The following ULK4 variants were observed in gnomAD, a reference collection of about 807,000 sequenced individuals.
ULK4 encodes the protein inactive serine/threonine-protein kinase ULK4.
A neutral mutation model predicts 160.6 loss-of-function variants in ULK4; 133 were observed. The observed-to-expected ratio is 0.83, with a 90% CI of 0.72 to 0.96. The LOEUF is 0.96. Among genes scored for constraint, ULK4 ranks in the 40% least tolerant of loss-of-function variants. The pLI, the probability that ULK4 is intolerant of heterozygous loss-of-function variation, is 0.00. For synonymous variants in ULK4, 534 were observed against 539.8 expected (o/e 0.99, Z 0.15); for missense variants, 1,580 against 1,499.5 (o/e 1.05, Z -0.89).
intron 29 of ULK4, among the ~76,000 whole-genome samples, chr3:41,676,358 G>C (rs1478643838): frequency 6.6e-6 from 1 of 152,170 alleles, no homozygotes; most frequent in African/African-American, 2.4e-5. Flanking sequence ...AGCTCAGAAA[G>C]ATGTAAATGG....
rs535743767 is a variant in ULK4 at position 41,524,795 on chromosome 3, G to A, written c.3226+41230C>T. 5.9e-5 allele frequency among the ~76,000 whole-genome samples: 9 copies of A among 152,080 alleles called. No homozygotes were observed. The East Asian group carries it at 1.6e-3, about 26-fold the overall frequency. Reference sequence around the variant, plus strand: ...TCTATAAAATACAAAAAAATTAGCCGGGTGTGGTGACACGTGCCTGTAGTC... The same window carrying A: ...TCTATAAAATACAAAAAAATTAGCCAGGTGTGGTGACACGTGCCTGTAGTC... On this transcript the variant is annotated intron_variant, in intron 32 of 36. Coordinates refer to ENST00000301831, the MANE Select transcript of ULK4 (RefSeq NM_017886.4).
intron 31 of ULK4, among the ~76,000 whole-genome samples, chr3:41,578,068 C>A (rs866046952): frequency 9.9e-5 from 15 of 152,148 alleles, no homozygotes; most frequent in African/African-American, 3.4e-4. Context: ...GCATGCTAAC[C>A]CTCAGGCCAG....
In ULK4 at chr3:41,799,232, G is replaced by A. The variant is rs532962970; in HGVS notation, c.2010+900C>T. 5.3e-5 allele frequency among the ~76,000 whole-genome samples: 8 copies of A among 152,246 alleles called. No homozygotes were observed. The East Asian group carries it at 1.5e-3, about 29-fold the overall frequency. ...GCCCAGATGAGATTGCTAACTCAAA[G>A]GGGTATTTAAATAAATCATAGGAGA... On this transcript the variant is annotated intron_variant, in intron 20 of 36. Coordinates refer to ENST00000301831, the MANE Select transcript of ULK4 (RefSeq NM_017886.4).
At chr3:41,948,872 T>C (rs912342109) in intron 2 of ULK4, among the ~76,000 whole-genome samples, 1 of 152,108 alleles carries the variant, frequency 6.6e-6, no homozygotes, top group Non-Finnish European at 1.5e-5. Context: ...GGCAAGAATG[T>C]CTGCTTTCTC....
intron 23 of ULK4, among the ~76,000 whole-genome samples, chr3:41,717,183 C>A (rs940577988): frequency 1.3e-5 from 2 of 151,974 alleles, no homozygotes; most frequent in Non-Finnish European, 2.9e-5. Flanking sequence ...AGGTGGGTGA[C>A]GGACACCCTA....
chr3:41,620,031 TG>T (rs2033164116), intron 30 of ULK4, among the ~76,000 whole-genome samples: 1 of 152,176 alleles, frequency 6.6e-6, no homozygotes. Context: ...GATAAATTCC[TG>T]CGCACATACA....
At chr3:41,564,930 T>C (rs1030363242) in intron 32 of ULK4, among the ~76,000 whole-genome samples, 1 of 152,204 alleles carries the variant, frequency 6.6e-6, no homozygotes, top group Non-Finnish European at 1.5e-5. Context: ...AAGTGCCCTA[T>C]ACAGGTGTAT....
At chr3:41,614,386 C>G (rs972320931) in intron 31 of ULK4, among the ~76,000 whole-genome samples, 5 of 152,190 alleles carry the variant, frequency 3.3e-5, no homozygotes, top group African/African-American at 1.2e-4. Context: ...AGACCACTGT[C>G]CTCCAAAACA....
chr3:41,357,489 C>A (rs943892322), intron 35 of ULK4, among the ~76,000 whole-genome samples: 2 of 152,134 alleles, frequency 1.3e-5, no homozygotes, highest in Non-Finnish European at 2.9e-5. Context: ...TTATAGATTG[C>A]ATGTGGTCTG....
intron 32 of ULK4, among the ~76,000 whole-genome samples, chr3:41,547,650 T>A (rs1316830669): frequency 6.6e-6 from 1 of 152,158 alleles, no homozygotes; most frequent in Non-Finnish European, 1.5e-5. Context: ...AAGACCCAAG[T>A]AGCTGCAGAA....
intron 17 of ULK4, among the ~76,000 whole-genome samples, chr3:41,837,791 C>T (rs1196819564): frequency 6.6e-6 from 1 of 152,106 alleles, no homozygotes; most frequent in Non-Finnish European, 1.5e-5. Flanking sequence ...GAACTCCTGA[C>T]TTCAAGTGAT....
chr3:41,556,465 TTCGCAAAGAAA>T (rs1238780349), intron 32 of ULK4, among the ~76,000 whole-genome samples: 1 of 149,692 alleles, frequency 6.7e-6, no homozygotes, highest in Non-Finnish European at 1.5e-5. Context: ...GCCAGATGAC[TTCGCAAAGAAA>T]CTCTACCAAA....
intron 29 of ULK4, among the ~76,000 whole-genome samples, chr3:41,667,463 T>C (rs775199633): frequency 6.6e-6 from 1 of 152,242 alleles, no homozygotes; most frequent in Non-Finnish European, 1.5e-5. Context: ...CTGTGATTTA[T>C]TAAGCTCGTC....
intron 32 of ULK4, among the ~76,000 whole-genome samples, chr3:41,555,136 T>C (rs2087240573): frequency 6.6e-6 from 1 of 151,952 alleles, no homozygotes; most frequent in Non-Finnish European, 1.5e-5. Flanking sequence ...AAATTGACTT[T>C]TGAAAAAAGT....
chr3:41,832,945 A>G (rs7616928), intron 18 of ULK4, among the ~76,000 whole-genome samples: 8,280 of 151,996 alleles, frequency 0.054, 745 homozygotes, highest in African/African-American at 0.18. Context: ...GCCTTGTAGT[A>G]TAGTTTAAAG....
chr3:41,502,426 TA>T (rs1336153369), intron 32 of ULK4, among the ~76,000 whole-genome samples: 1 of 152,228 alleles, frequency 6.6e-6, no homozygotes, highest in African/African-American at 2.4e-5. Flanking sequence ...ATTTACCATA[TA>T]ACCCAGCAAT....
chr3:41,699,005 G>A (rs1205617929), intron 27 of ULK4, among the ~76,000 whole-genome samples: 1 of 152,132 alleles, frequency 6.6e-6, no homozygotes, highest in Admixed American at 6.5e-5. Context: ...TCCATCATTT[G>A]ACTATATCAT....
Position 41,831,531 on chromosome 3 carries a change from A to ATATATATATATATTTTTTTTTT in ULK4, c.1764+4332_1764+4333insAAAAAAAAAATATATATATATA. ...TTATTGTTATTTTATATATATATATATTTTTTTTTCTTTCTTAAACTTTAG... is the reference window on the plus strand; with the variant it reads ...TTATTGTTATTTTATATATATATATATATATATATATATTTTTTTTTTTTTTTTTTTCTTTCTTAAACTTTAG... On this transcript the variant is annotated intron_variant, in intron 18 of 36. Transcript: ENST00000301831. Among the ~76,000 whole-genome samples the ATATATATATATATTTTTTTTTT allele has an allele frequency of 8.0e-5, 11 of 138,126 alleles. No individual in the cohort carries two copies. The East Asian group carries it at 8.4e-4, about 11-fold the overall frequency. The allele number at this position is 138,126 out of a possible 152,430, so 90.6% of individuals were successfully genotyped here.
At chr3:41,773,223 C>T (rs569091691) in intron 21 of ULK4, among the ~76,000 whole-genome samples, 1 of 152,076 alleles carries the variant, frequency 6.6e-6, no homozygotes, top group Non-Finnish European at 1.5e-5. Flanking sequence ...CTGGCCAGGG[C>T]AATCAGGCAG....
Sources: gnomAD v4.1 joint callset for allele counts (sites outside exome capture counted in the v4.1 genomes callset) on GRCh38, gnomAD v4.1.1 for gene constraint, MANE v1.5 for transcripts, NCBI Gene and HGNC (gene_info 2026-07-23, HGNC 2026-07-21) for gene names.